Variants in DNAH7 observed in about 807,000 individuals in gnomAD.
DNAH7 encodes the protein dynein axonemal heavy chain 7.
A neutral mutation model predicts 444.6 loss-of-function variants in DNAH7; 397 were observed. The observed-to-expected ratio is 0.89, with a 90% CI of 0.82 to 0.97. DNAH7 has a LOEUF of 0.97. Among genes scored for constraint, DNAH7 ranks in the 50% least tolerant of loss-of-function variants. The probability of loss-of-function intolerance (pLI) is 0.00; values close to 1 mark genes in which losing one functional copy is unlikely to be tolerated. For synonymous variants in DNAH7, 1,636 were observed against 1,624.4 expected, an observed-to-expected ratio of 1.01 and a Z score of -0.17; for missense variants, 4,902 against 4,800.8, an observed-to-expected ratio of 1.02 and a Z score of -0.62.
chr2:195,886,354 C>G, intron 33 of DNAH7, 82 bp from the exon 34 acceptor site: 1 of 1,302,430 alleles, frequency 7.7e-7, no homozygotes, highest in Non-Finnish European at 1.1e-6. Context: ...TTATTAAGCT[C>G]ATTTAATTTT....
At chr2:196,021,133 T>C (rs1382096137) in intron 8 of DNAH7, among the ~76,000 whole-genome samples, 1 of 152,146 alleles carries the variant, frequency 6.6e-6, no homozygotes, top group Non-Finnish European at 1.5e-5. Context: ...GTTCCCAATG[T>C]TCCCAAAATC....
chr2:195,914,909 G>A (rs1034386485), intron 24 of DNAH7, among the ~76,000 whole-genome samples: 5 of 152,102 alleles, frequency 3.3e-5, no homozygotes, highest in African/African-American at 9.7e-5. Context: ...TGATCCACCC[G>A]CCTTGGTCTC....
intron 47 of DNAH7, among the ~76,000 whole-genome samples, chr2:195,840,138 T>C (rs1698596978): frequency 6.6e-6 from 1 of 151,628 alleles, no homozygotes; most frequent in Non-Finnish European, 1.5e-5. Context: ...TCCAAAAATA[T>C]ATAAATAAGA....
chr2:195,771,953 A>G, intron 60 of DNAH7, 63 bp from the exon 61 acceptor site: 1 of 1,341,368 alleles, frequency 7.5e-7, no homozygotes, highest in South Asian at 1.2e-5. Flanking sequence ...GCTGAATAGG[A>G]AAAATCCTAA....
rs539749777 is a variant in DNAH7, at chr2:195,910,089, G to A, written c.4042C>T (p.Gln1348Ter). The change falls in exon 25 of 65, where the codon CAA (glutamine) becomes TAA (stop). Residue 1348 changes from glutamine to a stop codon, truncating the protein, a stop_gained. Transcript: ENST00000312428. LOFTEE classifies it high-confidence loss of function. ...TKDLAKAVAKQCVVFNCSDGL... is the reference protein window; with the variant it reads ...TKDLAKAVAK Reference sequence around the variant, plus strand: ...TCAGAGCAGTTGAAAACAACACATTGTTTGGCTACAGCTTTTGCCAAATCC... The same window carrying A: ...TCAGAGCAGTTGAAAACAACACATTATTTGGCTACAGCTTTTGCCAAATCC... 3.7e-6 allele frequency: 6 copies of A among 1,613,924 alleles called. No individual in the cohort carries two copies. The South Asian group carries it at 5.5e-5, about 15-fold the overall frequency.
At chr2:195,965,821 TC>T (rs1444704938) in intron 17 of DNAH7, among the ~76,000 whole-genome samples, 1 of 152,176 alleles carries the variant, frequency 6.6e-6, no homozygotes, top group Non-Finnish European at 1.5e-5. Flanking sequence ...GTCTCCTTTT[TC>T]ATTTCGATTT....
At chr2:195,947,075 A>G (rs1033928703) in intron 19 of DNAH7, among the ~76,000 whole-genome samples, 2 of 148,802 alleles carry the variant, frequency 1.3e-5, no homozygotes, top group Admixed American at 1.3e-4. Flanking sequence ...ATCTCAATAA[A>G]GCCAATTATA....
intron 21 of DNAH7, among the ~76,000 whole-genome samples, chr2:195,931,046 G>C (rs1249795837): frequency 6.6e-5 from 10 of 152,122 alleles, no homozygotes; most frequent in African/African-American, 2.4e-4. Context: ...AGGAGGAAGA[G>C]AGGGGTCAAG....
At position 196,008,199 on chromosome 2, in the gene DNAH7, T is replaced by G. The variant is rs776780375; in HGVS notation, c.989+4588A>C. ...ATAAAAAGATAGTCAACATCATTGG[T>G]CATGAGGGAAATGCAAATCAAAATC... On this transcript the variant is annotated intron_variant, in intron 10 of 64. Transcript: ENST00000312428. Among the ~76,000 whole-genome samples, 127 of 151,842 alleles carry G rather than the reference T, an allele frequency of 8.4e-4. 1 individual carries two copies. The highest frequency in any genetic ancestry group is 1.6e-3 in the Non-Finnish European group (112 of 67,974).
intron 41 of DNAH7, among the ~76,000 whole-genome samples, chr2:195,862,304 A>G (rs1240466050): frequency 6.6e-6 from 1 of 152,196 alleles, no homozygotes; most frequent in African/African-American, 2.4e-5. Flanking sequence ...TTCCCTGAGA[A>G]TGATGTAGGC....
intron 46 of DNAH7, among the ~76,000 whole-genome samples, chr2:195,846,061 G>C (rs1424622435): frequency 1.3e-5 from 2 of 152,058 alleles, no homozygotes; most frequent in Non-Finnish European, 2.9e-5. Context: ...TATCAGCAGA[G>C]TAAATAGACA....
At chr2:196,017,657 G>A (rs113696817) in intron 9 of DNAH7, among the ~76,000 whole-genome samples, 181 of 152,248 alleles carry the variant, frequency 1.2e-3, no homozygotes, top group African/African-American at 4.3e-3. Context: ...GATTTCTATA[G>A]ATTGAAGAGT....
At chr2:195,791,241 G>A (rs556062083) in intron 57 of DNAH7, among the ~76,000 whole-genome samples, 39 of 152,188 alleles carry the variant, frequency 2.6e-4, no homozygotes, top group East Asian at 9.7e-4. Context: ...GTGAAGGCGC[G>A]TGGATCACGA....
At chr2:195,913,746 G>A (rs951091046) in intron 24 of DNAH7, among the ~76,000 whole-genome samples, 1 of 152,078 alleles carries the variant, frequency 6.6e-6, no homozygotes, top group Non-Finnish European at 1.5e-5. Flanking sequence ...ACGGAGTCTC[G>A]CTCTGTCGTC....
At chr2:195,848,759 A>C (rs1372503095) in intron 46 of DNAH7, among the ~76,000 whole-genome samples, 1 of 152,168 alleles carries the variant, frequency 6.6e-6, no homozygotes, top group Non-Finnish European at 1.5e-5. Flanking sequence ...ATTTTGAATC[A>C]TTCTGTGGTT....
intron 10 of DNAH7, among the ~76,000 whole-genome samples, chr2:196,003,179 T>C (rs1251418262): frequency 7.1e-6 from 1 of 140,538 alleles, no homozygotes; most frequent in Non-Finnish European, 1.5e-5. Context: ...AAAAAAAAGA[T>C]GGAAAAGAGA....
intron 24 of DNAH7, among the ~76,000 whole-genome samples, chr2:195,915,699 G>A (rs1318759483): frequency 2.0e-5 from 3 of 152,072 alleles, no homozygotes; most frequent in African/African-American, 7.2e-5. Context: ...TTAAGTAGTG[G>A]TTGGAGTCAT....
At chr2:196,059,150 A>C (rs867975200) in intron 1 of DNAH7, among the ~76,000 whole-genome samples, 1 of 151,618 alleles carries the variant, frequency 6.6e-6, no homozygotes, top group African/African-American at 2.4e-5. Flanking sequence ...TCCCTTCTCT[A>C]TAACTAAAAC....
intron 43 of DNAH7, among the ~76,000 whole-genome samples, chr2:195,857,990 C>G (rs73064305): frequency 6.6e-6 from 1 of 152,130 alleles, no homozygotes; most frequent in African/African-American, 2.4e-5. Flanking sequence ...TAATACACCT[C>G]ATGAAATCTA....
Sources: gnomAD v4.1 joint callset for allele counts (sites outside exome capture counted in the v4.1 genomes callset) on GRCh38, gnomAD v4.1.1 for gene constraint, MANE v1.5 for transcripts, NCBI Gene and HGNC (gene_info 2026-07-23, HGNC 2026-07-21) for gene names.